The following SHE variants were observed in gnomAD, a reference collection of about 807,000 sequenced individuals.
The protein encoded by SHE is SH2 domain-containing adapter protein E.
Under a neutral mutation model 49.8 loss-of-function variants are expected in SHE, and 11 were observed. The observed-to-expected ratio is 0.22, with a 90% CI of 0.14 to 0.37. The LOEUF (loss-of-function observed/expected upper bound fraction) is 0.37, where lower values mean the gene tolerates loss of function less well. SHE is among the 10% of genes least tolerant of loss of function. The pLI, the probability that SHE is intolerant of heterozygous loss-of-function variation, is 1.00. For synonymous variants in SHE, 310 were observed against 278.1 expected, an observed-to-expected ratio of 1.11 and a Z score of -1.14; for missense variants, 624 against 655.5, an observed-to-expected ratio of 0.95 and a Z score of 0.52.
In SHE at chr1:154,482,404, A is replaced by C. The variant is rs1692045168; in HGVS notation, c.*1745T>G. Reference sequence around the variant, plus strand: ...CAAAGATCACACAACCTTTTGGCTGAGATCTTATCTGAATAAAGAAGCAAA... The same window carrying C: ...CAAAGATCACACAACCTTTTGGCTGCGATCTTATCTGAATAAAGAAGCAAA... On this transcript the variant is annotated 3_prime_UTR_variant, in exon 6 of 6. Transcript: ENST00000304760. The C allele has an allele frequency of 4.1e-6, 4 of 985,272 alleles. No homozygotes were observed. The highest frequency in any genetic ancestry group is 4.8e-6 in the Non-Finnish European group (4 of 829,900). The allele number at this position is 985,272 out of a possible 1,614,324, so 61.0% of individuals were successfully genotyped here.
At chr1:154,488,694 C>T (rs1193223129) in intron 3 of SHE, among the ~76,000 whole-genome samples, 1 of 152,198 alleles carries the variant, frequency 6.6e-6, no homozygotes, top group Non-Finnish European at 1.5e-5. Flanking sequence ...TCAAGCGATT[C>T]TCCTGTCTCA....
At chr1:154,473,827 A>G (rs1343356658) in intron 1 of SHE, among the ~76,000 whole-genome samples, 4 of 152,106 alleles carry the variant, frequency 2.6e-5, no homozygotes, top group African/African-American at 7.2e-5. Flanking sequence ...AAAAAAGTAA[A>G]TAACGGCTAC....
chr1:154,484,363 GA>G (rs779324262), intron 5 of SHE, 28 bp from the exon 6 acceptor site: 117 of 1,589,382 alleles, frequency 7.4e-5, no homozygotes, highest in Non-Finnish European at 9.9e-5. Context: ...GAGGAGACAT[GA>G]ATGAGTGGGC....
chr1:154,479,701 C>A lies in SHE; in HGVS notation c.*4448G>T. ...TTAGTTGATATCTAAAATATTAAAGCCCCTGACAAACTGAACGGCTAAGAA... is the reference window on the plus strand; with the variant it reads ...TTAGTTGATATCTAAAATATTAAAGACCCTGACAAACTGAACGGCTAAGAA... On this transcript the variant is annotated 3_prime_UTR_variant, in exon 6 of 6. Coordinates refer to ENST00000304760, the MANE Select transcript of SHE (RefSeq NM_001010846.3). The A allele has an allele frequency of 1.0e-6, 1 of 984,348 alleles. No individual in the cohort carries two copies. The highest frequency in any genetic ancestry group is 4.7e-5 in the South Asian group (1 of 21,246). The allele number at this position is 984,348 out of a possible 1,614,324, so 61.0% of individuals were successfully genotyped here. A position where few individuals can be genotyped will look rare whatever the true frequency, so the allele number is the denominator to read the frequency against.
Position 154,482,702 on chromosome 1 carries a change from A to C in SHE, c.*1447T>G. ...ATGCCATTCCCATGGTTTTTTTCAC[A>C]GTAAATAAACTGGTGATATAAGCTC... On this transcript the variant is annotated 3_prime_UTR_variant, in exon 6 of 6. Coordinates refer to ENST00000304760, the MANE Select transcript of SHE (RefSeq NM_001010846.3). 4 of 985,436 alleles carry C rather than the reference A, an allele frequency of 4.1e-6. No individual in the cohort carries two copies. The highest frequency in any genetic ancestry group is 4.8e-6 in the Non-Finnish European group (4 of 829,934). 61.0% of individuals were successfully genotyped at this position (985,436 alleles called of 1,614,324 possible). A position where few individuals can be genotyped will look rare whatever the true frequency, so the allele number is the denominator to read the frequency against.
At chr1:154,495,759 T>G (rs911381383) in intron 2 of SHE, among the ~76,000 whole-genome samples, 1 of 151,944 alleles carries the variant, frequency 6.6e-6, no homozygotes, top group African/African-American at 2.4e-5. Flanking sequence ...CAAGAAATAT[T>G]TGTTGGGTAT....
In SHE at chr1:154,481,806, G is replaced by A; in HGVS notation, c.*2343C>T. 1 of 975,580 alleles carries A rather than the reference G, an allele frequency of 1.0e-6. No individual in the cohort carries two copies. Among genetic ancestry groups the A allele is most frequent in the African/African-American group, 1.8e-5 (1 of 57,126 alleles). The allele number at this position is 975,580 out of a possible 1,614,324, so 60.4% of individuals were successfully genotyped here. A position where few individuals can be genotyped will look rare whatever the true frequency, so the allele number is the denominator to read the frequency against. On this transcript the variant is annotated 3_prime_UTR_variant, in exon 6 of 6. Coordinates refer to ENST00000304760, the MANE Select transcript of SHE (RefSeq NM_001010846.3). Reference sequence around the variant, plus strand: ...TATAGTAAATGAACCAATACACACTGAAAACATTCTATCAGTATCTGAAAA... The same window carrying A: ...TATAGTAAATGAACCAATACACACTAAAAACATTCTATCAGTATCTGAAAA...
Position 154,482,269 on chromosome 1 carries a change from C to A in SHE, c.*1880G>T. 1 of 955,674 alleles carries A rather than the reference C, an allele frequency of 1.0e-6. No individual in the cohort carries two copies. Among genetic ancestry groups the A allele is most frequent in the Non-Finnish European group, 1.2e-6 (1 of 802,940 alleles). 59.2% of individuals were successfully genotyped at this position (955,674 alleles called of 1,614,324 possible). ...CCTCACGTGATCTGCCTGCCTCAGC[C>A]TCCCAAATTGTTGGGATTACGTGCA... On this transcript the variant is annotated 3_prime_UTR_variant, in exon 6 of 6. Coordinates refer to ENST00000304760, the MANE Select transcript of SHE (RefSeq NM_001010846.3).
Position 154,483,399 on chromosome 1 carries a change from C to A in SHE, c.*750G>T. The A allele has an allele frequency of 1.0e-6, 1 of 985,398 alleles. No individual in the cohort carries two copies. The highest frequency in any genetic ancestry group is 1.2e-6 in the Non-Finnish European group (1 of 829,940). 61.0% of individuals were successfully genotyped at this position (985,398 alleles called of 1,614,324 possible). On this transcript the variant is annotated 3_prime_UTR_variant, in exon 6 of 6. Transcript: ENST00000304760. ...CACATTTTCTCCCGCTCATTCATTTCCCCAATAACGAGTCCAATATAACAT... is the reference window on the plus strand; with the variant it reads ...CACATTTTCTCCCGCTCATTCATTTACCCAATAACGAGTCCAATATAACAT...
chr1:154,499,274 C>A, intron 1 of SHE, 36 bp from the exon 2 acceptor site: 6 of 1,585,440 alleles, frequency 3.8e-6, no homozygotes, highest in Non-Finnish European at 5.2e-6. Context: ...TGCTAAGGGC[C>A]ACCGTATACC....
chr1:154,486,512 G>C lies in SHE; in HGVS notation c.1181+15C>G. 1 of 1,613,616 alleles carries C rather than the reference G, an allele frequency of 6.2e-7. No homozygotes were observed. On this transcript the variant is annotated intron_variant, in intron 4 of 5. Transcript: ENST00000304760. ...CAGCTGTTGTCTGTTACAAGGATCTGAGGAGGAGACTCACGGCTGCTTCTC... is the reference window on the plus strand; with the variant it reads ...CAGCTGTTGTCTGTTACAAGGATCTCAGGAGGAGACTCACGGCTGCTTCTC...
intron 2 of SHE, among the ~76,000 whole-genome samples, chr1:154,497,924 C>T (rs939432140): frequency 5.9e-5 from 9 of 151,972 alleles, no homozygotes; most frequent in Non-Finnish European, 8.8e-5. Flanking sequence ...CTCAGGTGAT[C>T]GGCCCACCTC....
chr1:154,497,171 G>A (rs1430251277), intron 2 of SHE, among the ~76,000 whole-genome samples: 1 of 152,208 alleles, frequency 6.6e-6, no homozygotes, highest in Non-Finnish European at 1.5e-5. Flanking sequence ...GCAGGAAGCG[G>A]AGCCAGGCTT....
At chr1:154,475,038 A>C (rs1691843277), downstream of SHE, among the ~76,000 whole-genome samples, 1 of 152,116 alleles carries the variant, frequency 6.6e-6, no homozygotes, top group Admixed American at 6.5e-5. Flanking sequence ...TCTGGGAGCA[A>C]ATGACTAATC....
At chr1:154,478,031 T>C (rs1691924612), downstream of SHE, among the ~76,000 whole-genome samples, 1 of 152,152 alleles carries the variant, frequency 6.6e-6, no homozygotes. Flanking sequence ...CTCATGTAAG[T>C]GGAATCATAC....
At position 154,499,042 on chromosome 1, in the gene SHE, C is replaced by T. The variant is rs534442687; in HGVS notation, c.718+70G>A. On this transcript the variant is annotated intron_variant, in intron 2 of 5. Coordinates refer to ENST00000304760, the MANE Select transcript of SHE (RefSeq NM_001010846.3). ...TTTATCCCTCTTCCCCAATAGACAC[C>T]GGTTACTATATTACAACACTCACTG... 1.6e-5 allele frequency: 25 copies of T among 1,551,062 alleles called. No individual in the cohort carries two copies. In the African/African-American group the frequency reaches 1.8e-4, roughly 11 times the overall value.
rs1337441398 is a variant in SHE at position 154,481,538 on chromosome 1, A to G, written c.*2611T>C. On this transcript the variant is annotated 3_prime_UTR_variant, in exon 6 of 6. Transcript: ENST00000304760. ...GATGTTATTTCATTATACATTCATC[A>G]CAGTTGCTGGGTATGGGCCAAAAAT... The G allele has an allele frequency of 1.0e-6, 1 of 985,328 alleles. No individual in the cohort carries two copies. Among genetic ancestry groups the G allele is most frequent in the Non-Finnish European group, 1.2e-6 (1 of 829,946 alleles). 61.0% of individuals were successfully genotyped at this position (985,328 alleles called of 1,614,324 possible). A position where few individuals can be genotyped will look rare whatever the true frequency, so the allele number is the denominator to read the frequency against.
At chr1:154,485,769 C>A in intron 5 of SHE, 174 bp downstream of exon 5, 1 of 626,554 alleles carries the variant, frequency 1.6e-6, no homozygotes, top group South Asian at 2.5e-5. Context: ...TACCCAATAC[C>A]AATTTTGCAT....
In SHE at chr1:154,483,770, T is replaced by A. The variant is rs1692086179; in HGVS notation, c.*379A>T. Reference sequence around the variant, plus strand: ...ACTCGGGGAGACTGAGGTGGGTGGATCATTTGAGGTCAGGAGTTTGAGACC... The same window carrying A: ...ACTCGGGGAGACTGAGGTGGGTGGAACATTTGAGGTCAGGAGTTTGAGACC... On this transcript the variant is annotated 3_prime_UTR_variant, in exon 6 of 6. Coordinates refer to ENST00000304760, the MANE Select transcript of SHE (RefSeq NM_001010846.3). 1.0e-6 allele frequency: 1 copy of A among 989,482 alleles called. No individual in the cohort carries two copies. The highest frequency in any genetic ancestry group is 4.2e-5 in the South Asian group (1 of 23,856). 61.3% of individuals were successfully genotyped at this position (989,482 alleles called of 1,614,324 possible). A position where few individuals can be genotyped will look rare whatever the true frequency, so the allele number is the denominator to read the frequency against.
Sources: gnomAD v4.1 joint callset for allele counts (sites outside exome capture counted in the v4.1 genomes callset) on GRCh38, gnomAD v4.1.1 for gene constraint, MANE v1.5 for transcripts, NCBI Gene and HGNC (gene_info 2026-07-23, HGNC 2026-07-21) for gene names.